The following NAALADL2 variants were observed in gnomAD, a reference collection of about 807,000 sequenced individuals.
NAALADL2 encodes inactive N-acetylated-alpha-linked acidic dipeptidase-like protein 2.
Under a neutral mutation model 87.2 loss-of-function variants are expected in NAALADL2, and 76 were observed. The ratio of observed to expected loss-of-function variants is 0.87; its 90% CI spans 0.72 to 1.05. NAALADL2 has a LOEUF of 1.05. NAALADL2 is among the 50% of genes least tolerant of loss of function. NAALADL2 has a pLI of 0.00. For synonymous variants in NAALADL2, 354 were observed against 331.0 expected (o/e 1.07, Z -0.75); for missense variants, 1,089 against 945.8 (o/e 1.15, Z -1.99).
At chr3:175,218,984 C>T (rs1265537875) in intron 2 of NAALADL2, among the ~76,000 whole-genome samples, 1 of 151,660 alleles carries the variant, frequency 6.6e-6, no homozygotes, top group East Asian at 1.9e-4. Flanking sequence ...CATTTTATTA[C>T]TGTATAATAT....
intron 2 of NAALADL2, among the ~76,000 whole-genome samples, chr3:174,593,690 T>C (rs954577425): frequency 1.3e-5 from 2 of 152,182 alleles, no homozygotes; most frequent in African/African-American, 4.8e-5. Context: ...GAAATCCTTG[T>C]ATATAGCCTA....
chr3:175,074,240 T>C (rs1716181407), intron 1 of NAALADL2, among the ~76,000 whole-genome samples: 1 of 152,134 alleles, frequency 6.6e-6, no homozygotes, highest in Non-Finnish European at 1.5e-5. Context: ...AACCTTTGTT[T>C]AACTTTTGAC....
chr3:175,150,661 A>G (rs1426140583), intron 2 of NAALADL2, among the ~76,000 whole-genome samples: 1 of 152,158 alleles, frequency 6.6e-6, no homozygotes, highest in Non-Finnish European at 1.5e-5. Context: ...GGTCATTTTT[A>G]AGGGATATAA....
intron 3 of NAALADL2, among the ~76,000 whole-genome samples, chr3:175,237,644 T>A (rs1360371967): frequency 1.3e-5 from 2 of 151,992 alleles, no homozygotes; most frequent in Non-Finnish European, 2.9e-5. Flanking sequence ...CTCTTCTTTA[T>A]TTTTTTTCTT....
At chr3:175,015,775 G>T (rs987807488) in intron 1 of NAALADL2, among the ~76,000 whole-genome samples, 1 of 151,904 alleles carries the variant, frequency 6.6e-6, no homozygotes, top group African/African-American at 2.4e-5. Flanking sequence ...GCTTGTTCAT[G>T]TTATTGCAAT....
intron 2 of NAALADL2, among the ~76,000 whole-genome samples, chr3:175,143,259 C>G (rs1171121234): frequency 6.6e-6 from 1 of 151,898 alleles, no homozygotes; most frequent in African/African-American, 2.4e-5. Context: ...TATATTTCCC[C>G]ACGTTTTAGT....
At chr3:174,512,109 AT>A (rs1236848667) in intron 1 of NAALADL2, among the ~76,000 whole-genome samples, 2 of 152,108 alleles carry the variant, frequency 1.3e-5, no homozygotes, top group Non-Finnish European at 2.9e-5. Flanking sequence ...TATTTATATA[AT>A]TTTACATCTA....
chr3:175,670,904 A>G (rs953816690), intron 11 of NAALADL2, among the ~76,000 whole-genome samples: 1 of 151,590 alleles, frequency 6.6e-6, no homozygotes, highest in Non-Finnish European at 1.5e-5. Context: ...GGAGAAGTTT[A>G]ATTCAATTAG....
At chr3:174,956,589 A>T (rs979939381) in intron 1 of NAALADL2, among the ~76,000 whole-genome samples, 4 of 152,108 alleles carry the variant, frequency 2.6e-5, no homozygotes, top group Non-Finnish European at 5.9e-5. Flanking sequence ...TGCCACATAT[A>T]AGTACTCAAT....
At position 175,097,719 on chromosome 3, in the gene NAALADL2, C is replaced by T. The variant is rs190726932; in HGVS notation, c.545+428C>T. On this transcript the variant is annotated intron_variant, in intron 2 of 13. Transcript: ENST00000454872. ...CTGAAGTAACTCTTCAAAAGTTTCA[C>T]CGATGTCATATAACTAGTGGATAAC... 1.3e-4 allele frequency among the ~76,000 whole-genome samples: 20 copies of T among 152,156 alleles called. No individual in the cohort carries two copies. The East Asian group carries it at 3.9e-3, about 29-fold the overall frequency.
At chr3:175,599,065 TGGTGTGGC>T (rs1722612180) in intron 10 of NAALADL2, among the ~76,000 whole-genome samples, 1 of 152,174 alleles carries the variant, frequency 6.6e-6, no homozygotes, top group Non-Finnish European at 1.5e-5. Flanking sequence ...ATACTCTTCA[TGGTGTGGC>T]CTCAGTGGCA....
intron 1 of NAALADL2, among the ~76,000 whole-genome samples, chr3:174,947,559 T>G (rs752879789): frequency 2.6e-5 from 4 of 152,154 alleles, no homozygotes; most frequent in Non-Finnish European, 5.9e-5. Context: ...AATGTGGGAC[T>G]CTCAGTGAAA....
intron 1 of NAALADL2, among the ~76,000 whole-genome samples, chr3:175,041,583 G>A (rs1754079255): frequency 6.6e-6 from 1 of 152,110 alleles, no homozygotes; most frequent in Non-Finnish European, 1.5e-5. Context: ...ATGAAGAGAT[G>A]AGCGTCTTTA....
rs1313918165 is a variant in NAALADL2, at chr3:175,785,643, C to G, written c.2190-17362C>G. On this transcript the variant is annotated intron_variant, in intron 13 of 13. Transcript: ENST00000454872. Reference sequence around the variant, plus strand: ...TCCTGAATACAGCACACTGATGGGTCTTGACTCTTTATCCAATTTGCCAGT... The same window carrying G: ...TCCTGAATACAGCACACTGATGGGTGTTGACTCTTTATCCAATTTGCCAGT... Among the ~76,000 whole-genome samples, 44 of 135,072 alleles carry G rather than the reference C, an allele frequency of 3.3e-4. 1 individual carries two copies. The highest frequency in any genetic ancestry group is 1.4e-3 in the East Asian group (7 of 4,840). The allele number at this position is 135,072 out of a possible 152,430, so 88.6% of individuals were successfully genotyped here.
intron 1 of NAALADL2, among the ~76,000 whole-genome samples, chr3:175,064,190 T>C (rs1714103231): frequency 6.6e-6 from 1 of 151,116 alleles, no homozygotes. Flanking sequence ...GGTGGTATTG[T>C]TGGTGTTAGG....
chr3:174,688,223 C>A (rs113846936), intron 2 of NAALADL2, among the ~76,000 whole-genome samples: 5 of 152,236 alleles, frequency 3.3e-5, no homozygotes, highest in Admixed American at 6.5e-5. Context: ...TTTAGCTTAT[C>A]TTTACCTCAG....
chr3:175,348,437 AT>A (rs1459069943), intron 5 of NAALADL2, among the ~76,000 whole-genome samples: 7 of 152,234 alleles, frequency 4.6e-5, no homozygotes, highest in African/African-American at 7.2e-5. Flanking sequence ...GCCATAATAA[AT>A]TATCACAAAC....
intron 1 of NAALADL2, among the ~76,000 whole-genome samples, chr3:174,922,927 T>G (rs1436437926): frequency 2.0e-5 from 3 of 152,196 alleles, no homozygotes; most frequent in Non-Finnish European, 2.9e-5. Flanking sequence ...GAAGCAGAAG[T>G]CTTCAACGAT....
At chr3:174,959,376 A>G (rs1408811301) in intron 1 of NAALADL2, among the ~76,000 whole-genome samples, 2 of 152,032 alleles carry the variant, frequency 1.3e-5, no homozygotes, top group Non-Finnish European at 2.9e-5. Context: ...TTTTGTTGGC[A>G]AAACAGATAC....
Sources: gnomAD v4.1 joint callset for allele counts (sites outside exome capture counted in the v4.1 genomes callset) on GRCh38, gnomAD v4.1.1 for gene constraint, MANE v1.5 for transcripts, NCBI Gene and HGNC (gene_info 2026-07-23, HGNC 2026-07-21) for gene names.